The following ARHGAP22 variants were observed in gnomAD, a reference collection of about 807,000 sequenced individuals.
ARHGAP22 encodes the protein Rho GTPase activating protein 22.
In ARHGAP22, 48 loss-of-function variants were observed where a neutral mutation model predicts 59.1. The observed-to-expected ratio is 0.81, with a 90% CI of 0.64 to 1.03. ARHGAP22 has a LOEUF of 1.03. Ranked by LOEUF, ARHGAP22 falls within the 50% of genes least tolerant of loss-of-function variation. ARHGAP22 has a pLI of 0.00. For synonymous variants in ARHGAP22, 445 were observed against 416.4 expected, an observed-to-expected ratio of 1.07 and a Z score of -0.84; for missense variants, 1,015 against 958.7, an observed-to-expected ratio of 1.06 and a Z score of -0.78.
chr10:48,586,306 GC>G (rs2135688965), intron 1 of ARHGAP22, among the ~76,000 whole-genome samples: 1 of 152,270 alleles, frequency 6.6e-6, no homozygotes, highest in East Asian at 1.9e-4. Context: ...GCCTCAGTTT[GC>G]CAGTCAGAAA....
chr10:48,608,639 C>T (rs994000442), upstream of ARHGAP22, among the ~76,000 whole-genome samples: 120 of 152,210 alleles, frequency 7.9e-4, no homozygotes, highest in African/African-American at 2.6e-3. Flanking sequence ...AGGTCGATGC[C>T]GCAGCTCCCT....
At chr10:48,593,017 C>T (rs1211127082) in intron 1 of ARHGAP22, among the ~76,000 whole-genome samples, 1 of 152,248 alleles carries the variant, frequency 6.6e-6, no homozygotes, top group Non-Finnish European at 1.5e-5. Context: ...GCCTCTCGGC[C>T]TCCTTTATCC....
chr10:48,509,720 G>A (rs2052555962), intron 3 of ARHGAP22, among the ~76,000 whole-genome samples: 1 of 152,186 alleles, frequency 6.6e-6, no homozygotes, highest in African/African-American at 2.4e-5. Context: ...TTGGAAAGGA[G>A]AGGCTCTCTG....
intron 2 of ARHGAP22, among the ~76,000 whole-genome samples, chr10:48,572,191 A>G (rs2058438038): frequency 6.6e-6 from 1 of 152,162 alleles, no homozygotes; most frequent in Admixed American, 6.5e-5. Flanking sequence ...ATTCCAACCA[A>G]CCAACACTTA....
At chr10:48,652,533 C>T (rs2062608358) in exon 1 of ARHGAP22, 5 of 552,470 alleles carry the variant, frequency 9.1e-6, no homozygotes, top group Admixed American at 3.1e-5. Context: ...GAGAAAGTCA[C>T]GGGGTCTTGG....
intron 3 of ARHGAP22, among the ~76,000 whole-genome samples, chr10:48,529,232 C>T (rs866922345): frequency 1.3e-5 from 2 of 152,138 alleles, no homozygotes; most frequent in African/African-American, 4.8e-5. Flanking sequence ...AGGCATAAGC[C>T]AGGTGAGAGA....
chr10:48,627,672 T>C (rs1369357980), intron 1 of ARHGAP22, among the ~76,000 whole-genome samples: 1 of 152,252 alleles, frequency 6.6e-6, no homozygotes, highest in African/African-American at 2.4e-5. Flanking sequence ...CTTGCTCTTC[T>C]GGTCAAGTTT....
At chr10:48,448,874 G>A (rs1012256748) in intron 9 of ARHGAP22, among the ~76,000 whole-genome samples, 3 of 152,250 alleles carry the variant, frequency 2.0e-5, no homozygotes, top group South Asian at 4.2e-4. Flanking sequence ...AAAGTTTCCC[G>A]AGCGCTCTCA....
intron 4 of ARHGAP22, among the ~76,000 whole-genome samples, chr10:48,478,656 T>C (rs1421801998): frequency 6.6e-6 from 1 of 152,196 alleles, no homozygotes; most frequent in Non-Finnish European, 1.5e-5. Flanking sequence ...GCCATGGTGA[T>C]CCCATTATGA....
intron 1 of ARHGAP22, among the ~76,000 whole-genome samples, chr10:48,592,415 C>T (rs1166592594): frequency 6.6e-6 from 1 of 152,228 alleles, no homozygotes; most frequent in African/African-American, 2.4e-5. Flanking sequence ...ACCCAAGCGT[C>T]CAGTCAGTCC....
rs1189198698 is a variant in ARHGAP22 at position 48,533,863 on chromosome 10, GA to G, written c.322+21599del. 3.3e-5 allele frequency among the ~76,000 whole-genome samples: 5 copies of G among 152,160 alleles called. No homozygotes were observed. The East Asian group carries it at 5.8e-4, about 18-fold the overall frequency. ...CTTAAGTCGGGAAGTACTTGGCTTAGAAAAAAAAGGAATGGATGGGAATTCT... is the reference window on the plus strand; with the variant it reads ...CTTAAGTCGGGAAGTACTTGGCTTAGAAAAAAAGGAATGGATGGGAATTCT... On this transcript the variant is annotated intron_variant, in intron 3 of 9. Coordinates refer to ENST00000249601, the MANE Select transcript of ARHGAP22 (RefSeq NM_021226.4).
At chr10:48,523,149 A>G (rs2053968147) in intron 3 of ARHGAP22, among the ~76,000 whole-genome samples, 1 of 152,272 alleles carries the variant, frequency 6.6e-6, no homozygotes. Flanking sequence ...CTTACCCTAT[A>G]TGGTTTACAG....
intron 3 of ARHGAP22, among the ~76,000 whole-genome samples, chr10:48,515,614 T>C (rs2053212073): frequency 2.0e-5 from 3 of 152,222 alleles, no homozygotes; most frequent in Non-Finnish European, 4.4e-5. Flanking sequence ...AACAGCAGCA[T>C]GCACATTCTT....
chr10:48,471,750 C>T (rs758914729), intron 4 of ARHGAP22, among the ~76,000 whole-genome samples: 5 of 152,206 alleles, frequency 3.3e-5, no homozygotes, highest in Non-Finnish European at 7.4e-5. Context: ...ACTACCCTGA[C>T]CACAGGGAGA....
chr10:48,471,954 A>G (rs2048267859), intron 4 of ARHGAP22, among the ~76,000 whole-genome samples: 1 of 152,198 alleles, frequency 6.6e-6, no homozygotes, highest in South Asian at 2.1e-4. Context: ...CACACCTGTA[A>G]TCCCAGCACT....
intron 1 of ARHGAP22, among the ~76,000 whole-genome samples, chr10:48,630,773 T>C (rs2061603361): frequency 6.6e-6 from 1 of 152,220 alleles, no homozygotes; most frequent in South Asian, 2.1e-4. Context: ...ATTCTGTATA[T>C]ATATGGCTTC....
At chr10:48,542,952 C>T (rs983425296) in intron 3 of ARHGAP22, among the ~76,000 whole-genome samples, 1 of 152,186 alleles carries the variant, frequency 6.6e-6, no homozygotes, top group African/African-American at 2.4e-5. Flanking sequence ...CAGGAGTCAT[C>T]TCCCTATTGG....
intron 3 of ARHGAP22, among the ~76,000 whole-genome samples, chr10:48,533,144 G>T (rs1207675568): frequency 1.3e-5 from 2 of 150,150 alleles, no homozygotes; most frequent in Non-Finnish European, 3.0e-5. Flanking sequence ...CAACAGCATT[G>T]CTGTTGCTAT....
At chr10:48,540,672 A>G (rs141212275) in intron 3 of ARHGAP22, among the ~76,000 whole-genome samples, 1 of 152,214 alleles carries the variant, frequency 6.6e-6, no homozygotes, top group East Asian at 2.0e-4. Flanking sequence ...GAATCAGCCC[A>G]TGGGTAGTCA....
Sources: gnomAD v4.1 joint callset for allele counts (sites outside exome capture counted in the v4.1 genomes callset) on GRCh38, gnomAD v4.1.1 for gene constraint, MANE v1.5 for transcripts, NCBI Gene and HGNC (gene_info 2026-07-23, HGNC 2026-07-21) for gene names.